The following SLC44A5 variants were observed in gnomAD, a reference collection of about 807,000 sequenced individuals.
SLC44A5 encodes solute carrier family 44 member 5, also known as choline transporter-like protein 5.
Under a neutral mutation model 101.8 loss-of-function variants are expected in SLC44A5, and 57 were observed. The ratio of observed to expected loss-of-function variants is 0.56; its 90% CI spans 0.45 to 0.70. The LOEUF is 0.70. Ranked by LOEUF, SLC44A5 falls within the 30% of genes least tolerant of loss-of-function variation. SLC44A5 has a pLI of 0.00. For missense variants in SLC44A5, 737 were observed against 853.1 expected (o/e 0.86, Z 1.70); for synonymous variants, 281 against 290.9 (o/e 0.97, Z 0.35).
chr1:75,398,977 C>T (rs1291604132), intron 2 of SLC44A5, among the ~76,000 whole-genome samples: 1 of 151,850 alleles, frequency 6.6e-6, no homozygotes, highest in African/African-American at 2.4e-5. Flanking sequence ...AAGTTTCAGA[C>T]TAGGAGCCAA....
chr1:75,414,315 ATATC>A (rs1557760793), intron 2 of SLC44A5, among the ~76,000 whole-genome samples: 13 of 131,860 alleles, frequency 9.9e-5, no homozygotes, highest in African/African-American at 3.7e-4. Flanking sequence ...ACATACATAC[ATATC>A]CACATACACA....
At chr1:75,309,168 G>A (rs1655115545) in intron 4 of SLC44A5, among the ~76,000 whole-genome samples, 1 of 152,146 alleles carries the variant, frequency 6.6e-6, no homozygotes, top group Non-Finnish European at 1.5e-5. Context: ...TTTTAGGCTG[G>A]CATAGCGGCT....
intron 2 of SLC44A5, among the ~76,000 whole-genome samples, chr1:75,515,474 C>T (rs535860348): frequency 2.6e-4 from 39 of 152,214 alleles, no homozygotes; most frequent in Admixed American, 2.1e-3. Context: ...TTCTACCTTC[C>T]GCTTCTGTTA....
chr1:75,352,741 C>A (rs1017842886), intron 3 of SLC44A5, among the ~76,000 whole-genome samples: 2 of 152,074 alleles, frequency 1.3e-5, no homozygotes, highest in African/African-American at 2.4e-5. Context: ...TATAAAAGAA[C>A]AATTTCAGTC....
chr1:75,366,762 C>G (rs552259776), intron 3 of SLC44A5, among the ~76,000 whole-genome samples: 43 of 152,038 alleles, frequency 2.8e-4, no homozygotes, highest in African/African-American at 1.0e-3. Flanking sequence ...TTCAAATGAG[C>G]TATATTTGAG....
At chr1:75,703,566 A>G in the SLC44A5 span, among the ~76,000 whole-genome samples, 1 of 151,980 alleles carries the variant, frequency 6.6e-6, no homozygotes, top group Non-Finnish European at 1.5e-5. Context: ...ATGTTAAGTG[A>G]TGAGTTAATG....
At chr1:75,469,304 C>T (rs1049020004) in intron 2 of SLC44A5, among the ~76,000 whole-genome samples, 1 of 152,144 alleles carries the variant, frequency 6.6e-6, no homozygotes, top group African/African-American at 2.4e-5. Context: ...CCATCTTGGA[C>T]AGCACAGTTG....
intron 2 of SLC44A5, among the ~76,000 whole-genome samples, chr1:75,537,118 T>A (rs960205781): frequency 1.5e-4 from 23 of 150,796 alleles, no homozygotes; most frequent in Admixed American, 5.3e-4. Context: ...ATGAAACTGT[T>A]GTTTGTATTG....
intron 2 of SLC44A5, among the ~76,000 whole-genome samples, chr1:75,537,033 A>AAAAAAAATATATATATATATAT (rs35829590): frequency 1.2e-4 from 5 of 43,038 alleles, no homozygotes; most frequent in Non-Finnish European, 2.3e-4. Flanking sequence ...AAAAAAAAAA[A>AAAAAAAATATATATATATATAT]ATATATATCT....
At chr1:75,700,746 T>A in the SLC44A5 span, among the ~76,000 whole-genome samples, 1 of 151,866 alleles carries the variant, frequency 6.6e-6, no homozygotes, top group Admixed American at 6.6e-5. Flanking sequence ...TCAACAAAAT[T>A]GATAGACTGC....
intron 6 of SLC44A5, among the ~76,000 whole-genome samples, chr1:75,251,824 C>G (rs1395727581): frequency 6.6e-6 from 1 of 152,146 alleles, no homozygotes; most frequent in Non-Finnish European, 1.5e-5. Flanking sequence ...GATACTTTCT[C>G]TCTGCTGAAA....
intron 4 of SLC44A5, among the ~76,000 whole-genome samples, chr1:75,320,814 G>A (rs769114059): frequency 5.3e-5 from 8 of 152,120 alleles, no homozygotes; most frequent in Non-Finnish European, 7.4e-5. Context: ...TACCAAGCAA[G>A]CTTTTCAAAT....
chr1:75,640,001 T>C, the SLC44A5 span, among the ~76,000 whole-genome samples: 5 of 152,094 alleles, frequency 3.3e-5, no homozygotes, highest in African/African-American at 1.2e-4. Flanking sequence ...TGGTCAGTTA[T>C]TTTTAGGTCG....
upstream of SLC44A5, among the ~76,000 whole-genome samples, chr1:75,615,040 G>A (rs1316413664): frequency 6.6e-6 from 1 of 152,240 alleles, no homozygotes; most frequent in South Asian, 2.1e-4. Context: ...TCCCTCCCGA[G>A]TCGCGCCCCG....
At chr1:75,674,367 A>C in the SLC44A5 span, among the ~76,000 whole-genome samples, 1 of 151,396 alleles carries the variant, frequency 6.6e-6, no homozygotes, top group Non-Finnish European at 1.5e-5. Flanking sequence ...TACACAGAGG[A>C]GACAAAAGAA....
At chr1:75,231,749 C>T (rs540141272) in intron 12 of SLC44A5, among the ~76,000 whole-genome samples, 128 of 152,214 alleles carry the variant, frequency 8.4e-4, no homozygotes, top group African/African-American at 3.0e-3. Context: ...GAGGATCATA[C>T]AGTTAATATG....
rs370594476 is a variant in SLC44A5 at position 75,427,956 on chromosome 1, T to C, written c.14-31335A>G. 2.6e-4 allele frequency among the ~76,000 whole-genome samples: 40 copies of C among 152,358 alleles called. No individual in the cohort carries two copies. In the South Asian group the frequency reaches 8.1e-3, roughly 31 times the overall value. ...TTGTGGTTGGATGGAGCCATGTTTC[T>C]AGGTCTGGCCAATGAACCAGTCACA... On this transcript the variant is annotated intron_variant, in intron 2 of 23. Coordinates refer to ENST00000370859, the MANE Select transcript of SLC44A5 (RefSeq NM_001130058.2).
chr1:75,224,352 A>C (rs992944568), intron 13 of SLC44A5, among the ~76,000 whole-genome samples: 5 of 152,200 alleles, frequency 3.3e-5, no homozygotes, highest in African/African-American at 1.2e-4. Flanking sequence ...GTTATTTCAG[A>C]GTGTACTCCC....
upstream of SLC44A5, among the ~76,000 whole-genome samples, chr1:75,612,599 G>A (rs74088914): frequency 0.016 from 2,369 of 152,124 alleles, 60 homozygotes; most frequent in African/African-American, 0.054. Flanking sequence ...GAAATTTTCT[G>A]GTTCATATTA....
Sources: gnomAD v4.1 joint callset for allele counts (sites outside exome capture counted in the v4.1 genomes callset) on GRCh38, gnomAD v4.1.1 for gene constraint, MANE v1.5 for transcripts, NCBI Gene and HGNC (gene_info 2026-07-23, HGNC 2026-07-21) for gene names.